Variants in IFI44 observed in about 807,000 individuals in gnomAD.
IFI44 encodes interferon induced protein 44.
IFI44 carries 42 observed loss-of-function variants against 45.0 expected under a neutral mutation model. The ratio of observed to expected loss-of-function variants is 0.93; its 90% CI spans 0.73 to 1.21. IFI44 has a LOEUF of 1.21. IFI44 is among the 50% of genes most tolerant of loss of function. The pLI is 0.00. For missense variants in IFI44, 623 were observed against 525.8 expected, an observed-to-expected ratio of 1.18 and a Z score of -1.81; for synonymous variants, 221 against 188.6, an observed-to-expected ratio of 1.17 and a Z score of -1.41.
rs1647620636 is a variant in IFI44 at position 78,663,965 on chromosome 1, A to T, written c.*154A>T. On this transcript the variant is annotated 3_prime_UTR_variant, in exon 9 of 9. Coordinates refer to ENST00000370747, the MANE Select transcript of IFI44 (RefSeq NM_006417.5). Reference sequence around the variant, plus strand: ...ATGCATAGAACATTGTAGTACTTGTAAATAACTAGAAATAACATGATTTAG... The same window carrying T: ...ATGCATAGAACATTGTAGTACTTGTTAATAACTAGAAATAACATGATTTAG... 4.3e-6 allele frequency: 2 copies of T among 461,332 alleles called. No homozygotes were observed. The highest frequency in any genetic ancestry group is 5.6e-4 in the Middle Eastern group (1 of 1,778). 28.6% of individuals were successfully genotyped at this position (461,332 alleles called of 1,614,324 possible).
In IFI44 at chr1:78,650,441, T is replaced by A; in HGVS notation, c.246T>A (p.Leu82=). ...GKYASIILFA[L]QDTKISEWKL... ...ATGCTTCCATCATCCTTTTTGCACT[T>A]CAAGATACTAAAATTTCAGAATGGA... The change falls in exon 2 of 9, where the codon CTT becomes CTA. Residue 82 remains leucine (L), a synonymous_variant. Coordinates refer to ENST00000370747, the MANE Select transcript of IFI44 (RefSeq NM_006417.5). 6.2e-7 allele frequency: 1 copy of A among 1,614,024 alleles called. No individual in the cohort carries two copies.
Position 78,655,488 on chromosome 1 carries a change from G to A in IFI44, c.817G>A (p.Gly273Ser), listed in dbSNP as rs779257665. 2.7e-5 allele frequency: 43 copies of A among 1,610,290 alleles called. No homozygotes were observed. The highest frequency in any genetic ancestry group is 3.4e-5 in the Non-Finnish European group (40 of 1,178,878). Residue 273 changes from glycine to serine, a missense_variant, in exon 5 of 9, where the codon GGT (glycine) becomes AGT (serine). Coordinates refer to ENST00000370747, the MANE Select transcript of IFI44 (RefSeq NM_006417.5). Reference sequence around the variant, plus strand: ...GGATGACATATTCTATATCTTGAACGGTAACATTCGTGATAGATACCAGGT... The same window carrying A: ...GGATGACATATTCTATATCTTGAACAGTAACATTCGTGATAGATACCAGGT... ...CRDDIFYILN[G>S]NIRDRYQFNP...
At position 78,655,179 on chromosome 1, in the gene IFI44, G is replaced by A; in HGVS notation, c.660G>A (p.Val220=). 2 of 1,613,858 alleles carry A rather than the reference G, an allele frequency of 1.2e-6. No homozygotes were observed. Among genetic ancestry groups the A allele is most frequent in the Non-Finnish European group, 1.7e-6 (2 of 1,179,834 alleles). The change falls in exon 4 of 9, where the codon GTG becomes GTA. Residue 220 remains valine, a synonymous_variant. Coordinates refer to ENST00000370747, the MANE Select transcript of IFI44 (RefSeq NM_006417.5). ...GGCATGTAACGCATCAGGCTTTGGTGGGCACTAATACAACTGGGATATCTG... is the reference window on the plus strand; with the variant it reads ...GGCATGTAACGCATCAGGCTTTGGTAGGCACTAATACAACTGGGATATCTG... ...FQGHVTHQAL[V]GTNTTGISEK... is the part of the protein sequence containing the mutation.
At position 78,655,149 on chromosome 1, in the gene IFI44, C is replaced by T; in HGVS notation, c.630C>T (p.Phe210=). ...TTTTCAACTCAGTGAGGTCTGTTTTCCAAGGGCATGTAACGCATCAGGCTT... is the reference window on the plus strand; with the variant it reads ...TTTTCAACTCAGTGAGGTCTGTTTTTCAAGGGCATGTAACGCATCAGGCTT... ...SSFFNSVRSV[F]QGHVTHQALV... Residue 210 remains phenylalanine, a synonymous_variant, in exon 4 of 9, where the codon TTC becomes TTT. Transcript: ENST00000370747. 6.2e-7 allele frequency: 1 copy of T among 1,613,856 alleles called. No homozygotes were observed. The highest frequency in any genetic ancestry group is 1.7e-4 in the Middle Eastern group (1 of 6,060).
chr1:78,655,632 T>C (rs1647195728), intron 5 of IFI44, 121 bp downstream of exon 5: 1 of 925,058 alleles, frequency 1.1e-6, no homozygotes, highest in Non-Finnish European at 1.6e-6. Flanking sequence ...TTTTAGATTT[T>C]TTTTTTCAAA....
At chr1:78,653,792 T>C (rs906172237) in intron 2 of IFI44, among the ~76,000 whole-genome samples, 4 of 152,214 alleles carry the variant, frequency 2.6e-5, no homozygotes, top group African/African-American at 9.6e-5. Flanking sequence ...ATCTAGTGCC[T>C]GTGTTTTCTG....
At chr1:78,659,223 C>A in intron 5 of IFI44, 89 bp from the exon 6 acceptor site, 1 of 1,040,582 alleles carries the variant, frequency 9.6e-7, no homozygotes. Context: ...TTTTGTTTAC[C>A]ATTTGATTCA....
At chr1:78,663,087 G>T in intron 8 of IFI44, 2 of 985,172 alleles carry the variant, frequency 2.0e-6, no homozygotes, top group Non-Finnish European at 2.4e-6. Flanking sequence ...TCTGCACTAT[G>T]TTTTTCCCTT....
intron 7 of IFI44, among the ~76,000 whole-genome samples, chr1:78,662,018 A>G (rs1466271218): frequency 6.6e-6 from 1 of 152,204 alleles, no homozygotes; most frequent in Non-Finnish European, 1.5e-5. Context: ...CAATTTTTTG[A>G]AAGAGTAATG....
chr1:78,663,366 G>T (rs1351595630), intron 8 of IFI44: 1 of 985,156 alleles, frequency 1.0e-6, no homozygotes, highest in East Asian at 1.1e-4. Flanking sequence ...TCATTGCTAG[G>T]TAGAGGTATG....
chr1:78,662,480 A>G (rs1184918593), intron 7 of IFI44: 1 of 481,046 alleles, frequency 2.1e-6, no homozygotes, highest in South Asian at 2.9e-5. Flanking sequence ...TTGTTTCTAA[A>G]TCATTTAGAA....
rs1337035283 is a variant in IFI44, at chr1:78,660,663, T to C, written c.1113+9T>C. ...AGCCTGTGAGGTCCAAGGTAATGAA[T>C]GATGCCCTTCGTAAACACATTTTCT... is the stretch of plus-strand genomic sequence containing the variant. On this transcript the variant is annotated intron_variant, in intron 7 of 8. Coordinates refer to ENST00000370747, the MANE Select transcript of IFI44 (RefSeq NM_006417.5). The C allele has an allele frequency of 2.6e-6, 4 of 1,552,514 alleles. No individual in the cohort carries two copies. Among genetic ancestry groups the C allele is most frequent in the Middle Eastern group, 1.7e-4 (1 of 5,962 alleles).
chr1:78,652,598 G>T (rs1647141985), intron 2 of IFI44, among the ~76,000 whole-genome samples: 1 of 152,174 alleles, frequency 6.6e-6, no homozygotes, highest in African/African-American at 2.4e-5. Context: ...CTGTCTAGCT[G>T]CTTTAGCTCC....
Position 78,659,364 on chromosome 1 carries a change from C to T in IFI44, c.893C>T (p.Pro298Leu). The T allele has an allele frequency of 6.2e-7, 1 of 1,613,336 alleles. No homozygotes were observed. Among genetic ancestry groups the T allele is most frequent in the East Asian group, 2.2e-5 (1 of 44,840 alleles). The change falls in exon 6 of 9, where the codon CCA becomes CTA. Residue 298 changes from proline to leucine, a missense_variant. By Grantham distance (98) the Pro-to-Leu change is moderately conservative. Transcript: ENST00000370747. ...AATCATCATGACTACATTGATTCCC[C>T]ATCGCTGAAGGACAGAATTCATTGT... ...KLNHHDYIDS[P>L]SLKDRIHCVA...
intron 1 of IFI44, 58 bp downstream of exon 1, chr1:78,649,963 C>T (rs1647094082): frequency 1.3e-5 from 5 of 386,472 alleles, no homozygotes; most frequent in Non-Finnish European, 2.3e-5. Context: ...CTCTGTCTCT[C>T]TCAGGTGACA....
chr1:78,653,741 G>A (rs1238787885), intron 2 of IFI44, among the ~76,000 whole-genome samples: 1 of 152,178 alleles, frequency 6.6e-6, no homozygotes, highest in Non-Finnish European at 1.5e-5. Context: ...TGAGCTGGAA[G>A]TTCCTGGAGT....
chr1:78,661,239 A>G (rs1489941210), intron 7 of IFI44, among the ~76,000 whole-genome samples: 1 of 151,918 alleles, frequency 6.6e-6, no homozygotes, highest in East Asian at 1.9e-4. Context: ...TCTTTTCTGT[A>G]TTTTTGTAGA....
chr1:78,654,390 A>T, intron 3 of IFI44, 111 bp downstream of exon 3: 1 of 611,578 alleles, frequency 1.6e-6, no homozygotes, highest in East Asian at 3.0e-5. Flanking sequence ...TAACTTGTGG[A>T]TCATCAAGAA....
At chr1:78,660,088 AGAG>A (rs556466578) in intron 6 of IFI44, among the ~76,000 whole-genome samples, 103 of 152,306 alleles carry the variant, frequency 6.8e-4, no homozygotes, top group African/African-American at 2.4e-3. Flanking sequence ...AACTTTGCAA[AGAG>A]GAGATGTGCA....
Sources: allele counts gnomAD v4.1 joint callset (sites outside exome capture counted in the v4.1 genomes callset), GRCh38; gene constraint gnomAD v4.1.1; transcripts MANE v1.5; gene names NCBI Gene and HGNC (gene_info 2026-07-23, HGNC 2026-07-21).